The following FRMD4A variants were observed in gnomAD, a reference collection of about 807,000 sequenced individuals.
FRMD4A encodes FERM domain-containing protein 4A.
FRMD4A carries 29 observed loss-of-function variants against 129.1 expected under a neutral mutation model. The observed-to-expected ratio is 0.22, with a 90% CI of 0.17 to 0.31. The LOEUF (loss-of-function observed/expected upper bound fraction) is 0.31. Among genes scored for constraint, FRMD4A ranks in the 10% least tolerant of loss-of-function variants. The probability of loss-of-function intolerance (pLI) is 1.00; values close to 1 mark genes in which losing one functional copy is unlikely to be tolerated. For synonymous variants in FRMD4A, 634 were observed against 571.6 expected (o/e 1.11, Z -1.56); for missense variants, 1,272 against 1,375.8 (o/e 0.92, Z 1.19).
chr10:13,809,140 C>T (rs950168950), intron 4 of FRMD4A, among the ~76,000 whole-genome samples: 3 of 152,194 alleles, frequency 2.0e-5, no homozygotes, highest in African/African-American at 7.2e-5. Flanking sequence ...TCTCAACCCT[C>T]CTGGGAGAAG....
At chr10:13,802,741 T>C (rs1168957006) in intron 4 of FRMD4A, among the ~76,000 whole-genome samples, 1 of 152,314 alleles carries the variant, frequency 6.6e-6, no homozygotes, top group Admixed American at 6.5e-5. Context: ...TCCAAAGTGC[T>C]GGGATTACAG....
intron 2 of FRMD4A, among the ~76,000 whole-genome samples, chr10:14,006,411 A>G (rs958724553): frequency 1.3e-5 from 2 of 152,220 alleles, no homozygotes; most frequent in Non-Finnish European, 2.9e-5. Context: ...GTATGATACT[A>G]TATTCCCATA....
In FRMD4A at chr10:14,223,508, A is replaced by C. The variant is rs189219923; in HGVS notation, c.45+106550T>G. Among the ~76,000 whole-genome samples the C allele has an allele frequency of 6.0e-4, 91 of 152,274 alleles. 1 individual carries two copies. The East Asian group carries it at 0.01, about 17-fold the overall frequency. The stretch of plus-strand genomic sequence containing the variant: ...TGTAATCCCAGCACTTTTGGAGGTC[A>C]AGGCAGGAGGATCACTTGAGCCAAG... On this transcript the variant is annotated intron_variant, in intron 2 of 24. Coordinates refer to ENST00000357447, the MANE Select transcript of FRMD4A (RefSeq NM_018027.5).
At chr10:14,025,692 C>T (rs907272952) in intron 2 of FRMD4A, among the ~76,000 whole-genome samples, 3 of 152,180 alleles carry the variant, frequency 2.0e-5, no homozygotes, top group Non-Finnish European at 2.9e-5. Flanking sequence ...TCCATTTCTC[C>T]CCTCCCACAG....
intron 2 of FRMD4A, among the ~76,000 whole-genome samples, chr10:13,918,534 T>C (rs988681124): frequency 1.3e-5 from 2 of 152,104 alleles, no homozygotes; most frequent in Non-Finnish European, 2.9e-5. Flanking sequence ...GTCAATACAA[T>C]TTTCTTTTTT....
intron 2 of FRMD4A, among the ~76,000 whole-genome samples, chr10:14,239,415 C>G (rs1435211072): frequency 6.6e-6 from 1 of 152,112 alleles, no homozygotes; most frequent in Non-Finnish European, 1.5e-5. Context: ...ATCAGGAGGT[C>G]AGGAGATCAA....
At chr10:13,798,351 G>T (rs1422837766) in intron 4 of FRMD4A, among the ~76,000 whole-genome samples, 2 of 152,096 alleles carry the variant, frequency 1.3e-5, no homozygotes, top group African/African-American at 4.8e-5. Flanking sequence ...GATGGAGGTT[G>T]CAGTGAGCTG....
intron 13 of FRMD4A, among the ~76,000 whole-genome samples, chr10:13,703,587 G>C (rs913413277): frequency 1.3e-5 from 2 of 152,172 alleles, no homozygotes; most frequent in African/African-American, 4.8e-5. Flanking sequence ...TCCTGGCTTG[G>C]GGGAGGGGCT....
intron 2 of FRMD4A, among the ~76,000 whole-genome samples, chr10:14,233,037 T>A (rs111363989): frequency 4.1e-4 from 63 of 152,176 alleles, no homozygotes; most frequent in Non-Finnish European, 6.9e-4. Flanking sequence ...GTGTGACACA[T>A]AGTAGTTGCA....
At chr10:13,867,624 A>G (rs2094384158) in intron 2 of FRMD4A, among the ~76,000 whole-genome samples, 1 of 810 alleles carries the variant, frequency 1.2e-3, no homozygotes, top group South Asian at 0.015. Flanking sequence ...AATGTATATG[A>G]TATAATTATG....
intron 2 of FRMD4A, among the ~76,000 whole-genome samples, chr10:13,905,839 G>T (rs991906455): frequency 2.6e-5 from 4 of 152,204 alleles, no homozygotes; most frequent in Admixed American, 2.0e-4. Context: ...GCAAAAGGAG[G>T]CATGGGTTGA....
At chr10:14,084,295 C>T (rs1393793682) in intron 2 of FRMD4A, among the ~76,000 whole-genome samples, 8 of 152,082 alleles carry the variant, frequency 5.3e-5, no homozygotes, top group East Asian at 1.9e-4. Context: ...TACAGGCATG[C>T]GCCACCATGC....
At chr10:14,049,943 C>T (rs1014973437) in intron 2 of FRMD4A, among the ~76,000 whole-genome samples, 8 of 152,150 alleles carry the variant, frequency 5.3e-5, no homozygotes, top group African/African-American at 1.4e-4. Flanking sequence ...GCACACTTGC[C>T]GCACTTCCGT....
At chr10:13,718,574 T>C (rs530345692) in intron 12 of FRMD4A, among the ~76,000 whole-genome samples, 1 of 152,360 alleles carries the variant, frequency 6.6e-6, no homozygotes, top group Admixed American at 6.5e-5. Flanking sequence ...AGATCTAGAC[T>C]TTCTGTCTTT....
chr10:13,752,298 C>T (rs80318587), intron 8 of FRMD4A, among the ~76,000 whole-genome samples: 4,334 of 152,182 alleles, frequency 0.028, 97 homozygotes, highest in Middle Eastern at 0.065. Flanking sequence ...TGGGGAAAAA[C>T]AAAGATTTCT....
intron 2 of FRMD4A, among the ~76,000 whole-genome samples, chr10:13,956,798 C>T (rs1324014431): frequency 1.3e-5 from 2 of 152,324 alleles, no homozygotes; most frequent in East Asian, 3.9e-4. Context: ...ATTAAGATTT[C>T]ATAAAACAGC....
chr10:14,081,460 G>A (rs2614143), intron 2 of FRMD4A, among the ~76,000 whole-genome samples: 70,189 of 151,914 alleles, frequency 0.46, 17,486 homozygotes, highest in African/African-American at 0.64. Flanking sequence ...CTCCTGTGCA[G>A]TGGCAGAATT....
chr10:13,816,650 A>C (rs1156605827), intron 3 of FRMD4A, among the ~76,000 whole-genome samples: 1 of 152,244 alleles, frequency 6.6e-6, no homozygotes. Flanking sequence ...AAACTCCTTC[A>C]GAGAAAGTTG....
At chr10:14,156,855 C>T (rs1840627222) in intron 2 of FRMD4A, among the ~76,000 whole-genome samples, 1 of 152,216 alleles carries the variant, frequency 6.6e-6, no homozygotes, top group Non-Finnish European at 1.5e-5. Context: ...ATCAAAGAGG[C>T]TTCTTCATCC....
Sources: allele counts gnomAD v4.1 joint callset (sites outside exome capture counted in the v4.1 genomes callset), GRCh38; gene constraint gnomAD v4.1.1; transcripts MANE v1.5; gene names NCBI Gene and HGNC (gene_info 2026-07-23, HGNC 2026-07-21).